The following ADORA1 variants were observed in gnomAD, a reference collection of about 807,000 sequenced individuals.
ADORA1 encodes the protein adenosine A1 receptor, also known as adenosine receptor A1.
ADORA1 carries 6 observed loss-of-function variants against 19.9 expected under a neutral mutation model. That is an observed-to-expected ratio of 0.30 (90% CI 0.17 to 0.59). The LOEUF (loss-of-function observed/expected upper bound fraction) is 0.59, where lower values mean the gene tolerates loss of function less well. Ranked by LOEUF, ADORA1 falls within the 20% of genes least tolerant of loss-of-function variation. The pLI, the probability that ADORA1 is intolerant of heterozygous loss-of-function variation, is 0.87. For missense variants in ADORA1, 302 were observed against 439.2 expected (o/e 0.69, Z 2.79); for synonymous variants, 194 against 188.4 (o/e 1.03, Z -0.24).
At position 203,128,176 on chromosome 1, in the gene ADORA1, G is replaced by T. The variant is rs560113952; in HGVS notation, c.-212-102G>T. On this transcript the variant is annotated intron_variant, in intron 1 of 3. Transcript: ENST00000337894. The surrounding 1 kb of genome is among the most constrained non-coding windows in gnomAD (Gnocchi z 5.9). ...AGCCTTGTCCTGGGCTCCGTCCCCA[G>T]ACCCACGTCTGCCACCCCAGTCCCA... 50 of 469,816 alleles carry T rather than the reference G, an allele frequency of 1.1e-4. 1 individual carries two copies. The highest frequency in any genetic ancestry group is 9.3e-4 in the African/African-American group (45 of 48,630). 29.1% of individuals were successfully genotyped at this position (469,816 alleles called of 1,614,324 possible). A position where few individuals can be genotyped will look rare whatever the true frequency, so the allele number is the denominator to read the frequency against.
At chr1:203,159,345 G>A (rs917401316) in intron 3 of ADORA1, among the ~76,000 whole-genome samples, 2 of 152,178 alleles carry the variant, frequency 1.3e-5, no homozygotes, top group African/African-American at 4.8e-5. Context: ...ATAAACCCCA[G>A]AACACTTGCT....
At chr1:203,142,268 C>T (rs552344813) in intron 3 of ADORA1, among the ~76,000 whole-genome samples, 5 of 152,304 alleles carry the variant, frequency 3.3e-5, no homozygotes, top group South Asian at 2.1e-4. Flanking sequence ...CTGTGGGTTC[C>T]GGTCAGTGGC....
chr1:203,129,335 C>G (rs1478742800), intron 3 of ADORA1, 153 bp downstream of exon 3: 2 of 959,150 alleles, frequency 2.1e-6, no homozygotes, highest in Admixed American at 6.2e-5. Flanking sequence ...TTTCCGTGCT[C>G]CGCTCTGCAG....
chr1:203,152,403 A>C (rs1363609159), intron 3 of ADORA1: 1 of 152,260 alleles, frequency 6.6e-6, no homozygotes, highest in East Asian at 1.9e-4. Context: ...CACAGTCTGC[A>C]AAGACCAGAG....
chr1:203,164,736 T>A (rs1170121482), intron 3 of ADORA1, among the ~76,000 whole-genome samples: 1 of 152,140 alleles, frequency 6.6e-6, no homozygotes. Flanking sequence ...GGTTTGTTAA[T>A]CACTTGGGTG....
At chr1:203,142,872 G>C (rs956960676) in intron 3 of ADORA1, among the ~76,000 whole-genome samples, 1 of 152,024 alleles carries the variant, frequency 6.6e-6, no homozygotes, top group Non-Finnish European at 1.5e-5. Context: ...GGAGAAAACC[G>C]TTCAGTGTGT....
intron 3 of ADORA1, among the ~76,000 whole-genome samples, chr1:203,161,463 C>T (rs1655364636): frequency 6.6e-6 from 1 of 152,106 alleles, no homozygotes; most frequent in Non-Finnish European, 1.5e-5. Context: ...AATAAATAGC[C>T]CACAGAGAAG....
chr1:203,145,362 G>A (rs1209033812), intron 3 of ADORA1, among the ~76,000 whole-genome samples: 6 of 152,130 alleles, frequency 3.9e-5, no homozygotes. Context: ...GGGCTGCCAT[G>A]GTGCCCACTT....
intron 3 of ADORA1, among the ~76,000 whole-genome samples, chr1:203,142,396 G>T (rs1654723956): frequency 1.3e-5 from 2 of 152,328 alleles, no homozygotes; most frequent in South Asian, 4.1e-4. Flanking sequence ...ATCAATGTCT[G>T]TGGAGTGAAG....
chr1:203,132,037 CT>C (rs1654358115), intron 3 of ADORA1, among the ~76,000 whole-genome samples: 1 of 152,240 alleles, frequency 6.6e-6, no homozygotes, highest in South Asian at 2.1e-4. Flanking sequence ...AATTTTCTTT[CT>C]TTCTACTTGG....
chr1:203,129,914 TG>T (rs1654279099), intron 3 of ADORA1, among the ~76,000 whole-genome samples: 2 of 152,258 alleles, frequency 1.3e-5, no homozygotes, highest in South Asian at 2.1e-4. Context: ...AGCACTGGGA[TG>T]GGTGGCCTGC....
intron 3 of ADORA1, among the ~76,000 whole-genome samples, chr1:203,131,042 G>C (rs1406338901): frequency 6.6e-6 from 1 of 152,176 alleles, no homozygotes; most frequent in African/African-American, 2.4e-5. Flanking sequence ...ATTAATAATA[G>C]TGCCTACTCC....
chr1:203,137,699 C>T (rs930829174), intron 3 of ADORA1, among the ~76,000 whole-genome samples: 9 of 152,122 alleles, frequency 5.9e-5, no homozygotes, highest in African/African-American at 1.9e-4. Flanking sequence ...CAGTAAAGTG[C>T]ATAAACCTCA....
At chr1:203,148,064 CA>C (rs1654917469) in intron 3 of ADORA1, among the ~76,000 whole-genome samples, 1 of 152,066 alleles carries the variant, frequency 6.6e-6, no homozygotes, top group African/African-American at 2.4e-5. Flanking sequence ...ACTAAAAATA[CA>C]AAAATTAGCC....
At chr1:203,142,638 C>T (rs1654730819) in intron 3 of ADORA1, among the ~76,000 whole-genome samples, 1 of 152,152 alleles carries the variant, frequency 6.6e-6, no homozygotes, top group Non-Finnish European at 1.5e-5. Flanking sequence ...TGTGAGTATC[C>T]TGGTCTCCTG....
At chr1:203,153,146 G>T (rs1399018199) in intron 3 of ADORA1, among the ~76,000 whole-genome samples, 2 of 152,128 alleles carry the variant, frequency 1.3e-5, no homozygotes, top group Non-Finnish European at 2.9e-5. Context: ...GGGAGCTTGT[G>T]CTGTCAGTCA....
At chr1:203,150,621 ACTT>A in intron 3 of ADORA1, 1 of 1,289,448 alleles carries the variant, frequency 7.8e-7, no homozygotes, top group Non-Finnish European at 1.0e-6. Context: ...ATATGACTGT[ACTT>A]CTTCCAGGTC....
At chr1:203,146,544 G>A (rs764384788) in intron 3 of ADORA1, among the ~76,000 whole-genome samples, 1 of 151,452 alleles carries the variant, frequency 6.6e-6, no homozygotes, top group Admixed American at 6.6e-5. Context: ...CAGGAGGATC[G>A]CCTGAGCCTG....
chr1:203,143,209 G>T (rs1196347389), intron 3 of ADORA1, among the ~76,000 whole-genome samples: 1 of 152,182 alleles, frequency 6.6e-6, no homozygotes, highest in Non-Finnish European at 1.5e-5. Context: ...ACAGTGCTGG[G>T]GTCTGATGAG....
Sources: allele counts gnomAD v4.1 joint callset (sites outside exome capture counted in the v4.1 genomes callset), GRCh38; gene constraint gnomAD v4.1.1; non-coding constraint Gnocchi (gnomAD v3.1); transcripts MANE v1.5; gene names NCBI Gene and HGNC (gene_info 2026-07-23, HGNC 2026-07-21).